ITPRID2: variants seen among roughly 807,000 people sequenced by gnomAD.
The protein encoded by ITPRID2 is ITPR interacting domain containing 2.
ITPRID2 carries 60 observed loss-of-function variants against 124.3 expected under a neutral mutation model. That is an observed-to-expected ratio of 0.48 (90% CI 0.39 to 0.60). The LOEUF (loss-of-function observed/expected upper bound fraction) is 0.60. Ranked by LOEUF, ITPRID2 falls within the 20% of genes least tolerant of loss-of-function variation. The pLI is 0.00. For synonymous variants in ITPRID2, 521 were observed against 542.9 expected, an observed-to-expected ratio of 0.96 and a Z score of 0.56; for missense variants, 1,553 against 1,512.2, an observed-to-expected ratio of 1.03 and a Z score of -0.45.
At chr2:181,927,306 C>T (rs898968498) in intron 16 of ITPRID2, among the ~76,000 whole-genome samples, 2 of 152,162 alleles carry the variant, frequency 1.3e-5, no homozygotes, top group African/African-American at 4.8e-5. Context: ...TTTGGGAACA[C>T]ATTATCACTT....
At chr2:181,894,726 TGG>T (rs1475594564) in intron 2 of ITPRID2, 2 of 152,128 alleles carry the variant, frequency 1.3e-5, no homozygotes, top group Non-Finnish European at 2.9e-5. Context: ...TAACCATTTG[TGG>T]GGGGACTAAG....
chr2:181,913,807 A>G (rs775428941), intron 9 of ITPRID2, 38 bp from the exon 10 acceptor site: 1 of 1,468,814 alleles, frequency 6.8e-7, no homozygotes, highest in South Asian at 1.2e-5. Flanking sequence ...TTATTTATAG[A>G]TCATCTGTTT....
chr2:181,918,355 T>C, intron 11 of ITPRID2: 2 of 1,253,460 alleles, frequency 1.6e-6, no homozygotes, highest in Non-Finnish European at 2.0e-6. Flanking sequence ...AAGAAATAGA[T>C]GTGAACTATG....
rs766167639 is a variant in ITPRID2, at chr2:181,902,460, G to A, written c.1407G>A (p.Met469Ile). 3 of 1,525,880 alleles carry A rather than the reference G, an allele frequency of 2.0e-6. No individual in the cohort carries two copies. In the East Asian group the frequency reaches 7.0e-5, roughly 36 times the overall value. 94.5% of individuals were successfully genotyped at this position (1,525,880 alleles called of 1,614,324 possible). ...IMTQQKDSFE[M>I]EEVQSTEGEA... ...CACAGCAGAAGGACTCCTTCGAAAT[G>A]GAAGAGGTAGGTAAAAAATTACTGA... Residue 469 changes from methionine to isoleucine, a missense_variant, in exon 8 of 18, where the codon ATG (methionine) becomes ATA (isoleucine). By Grantham distance (10) the Met-to-Ile change is conservative (BLOSUM62 1). Coordinates refer to ENST00000431877, the MANE Select transcript of ITPRID2 (RefSeq NM_001130445.3). This position sits in a 1 kb window ranked among gnomAD's most constrained non-coding sequence, Gnocchi z 4.4.
At chr2:181,927,909 C>T (rs1694981742) in intron 16 of ITPRID2, among the ~76,000 whole-genome samples, 1 of 152,108 alleles carries the variant, frequency 6.6e-6, no homozygotes, top group Non-Finnish European at 1.5e-5. Context: ...ATAACATTTT[C>T]TAATGTCCTC....
chr2:181,909,780 A>G lies in ITPRID2; in HGVS notation c.1414-119A>G, dbSNP rs1019202418. The G allele has an allele frequency of 6.8e-6, 4 of 585,950 alleles. No individual in the cohort carries two copies. The African/African-American group carries it at 7.6e-5, about 11-fold the overall frequency. 36.3% of individuals were successfully genotyped at this position (585,950 alleles called of 1,614,324 possible). On this transcript the variant is annotated intron_variant, in intron 8 of 17. Transcript: ENST00000431877. ...GTCAGATTTCTTAAAGTTTGAATATATATATAATGTTTTGGTGCACTTGAG... is the reference window on the plus strand; with the variant it reads ...GTCAGATTTCTTAAAGTTTGAATATGTATATAATGTTTTGGTGCACTTGAG...
In ITPRID2 at chr2:181,915,461, T is replaced by G; in HGVS notation, c.1821T>G (p.Thr607=). ...PQCNTIENTG[T]KQSTCSPGDH... ...GCAACACCATTGAGAATACAGGAAC[T>G]AAACAGTCCACCTGTAGTCCAGGGG... The change falls in exon 11 of 18, where the codon ACT becomes ACG. Residue 607 remains threonine, a synonymous_variant. Coordinates refer to ENST00000431877, the MANE Select transcript of ITPRID2 (RefSeq NM_001130445.3). 2 of 1,614,188 alleles carry G rather than the reference T, an allele frequency of 1.2e-6. No homozygotes were observed. The highest frequency in any genetic ancestry group is 1.7e-6 in the Non-Finnish European group (2 of 1,180,028).
In ITPRID2 at chr2:181,915,482, A is replaced by AG; in HGVS notation, c.1846dup (p.Asp616GlyfsTer5). On this transcript the variant is annotated frameshift_variant, in exon 11 of 18. Coordinates refer to ENST00000431877, the MANE Select transcript of ITPRID2 (RefSeq NM_001130445.3). LOFTEE classifies it high-confidence loss of function. The stretch of plus-strand genomic sequence containing the variant: ...GAACTAAACAGTCCACCTGTAGTCC[A>AG]GGGGATCATATCATTGAAATTACTG... 1 of 1,614,216 alleles carries AG rather than the reference A, an allele frequency of 6.2e-7. No individual in the cohort carries two copies. The highest frequency in any genetic ancestry group is 1.1e-5 in the South Asian group (1 of 91,086).
Position 181,919,559 on chromosome 2 carries a change from C to T in ITPRID2, c.3144+113C>T. On this transcript the variant is annotated intron_variant, in intron 14 of 17. Coordinates refer to ENST00000431877, the MANE Select transcript of ITPRID2 (RefSeq NM_001130445.3). The surrounding 1 kb of genome is among the most constrained non-coding windows in gnomAD (Gnocchi z 4.2). ...TCATTTATTTTAATGGTATTAAAAG[C>T]ATGCATACTGTTTAAGGAGCTTTCC... The T allele has an allele frequency of 1.7e-6, 2 of 1,154,944 alleles. No individual in the cohort carries two copies. The highest frequency in any genetic ancestry group is 1.9e-5 in the South Asian group (1 of 53,766). The allele number at this position is 1,154,944 out of a possible 1,614,324, so 71.5% of individuals were successfully genotyped here. A position where few individuals can be genotyped will look rare whatever the true frequency, so the allele number is the denominator to read the frequency against.
intron 15 of ITPRID2, 76 bp from the exon 16 acceptor site, chr2:181,921,872 C>A (rs2125109137): frequency 7.7e-7 from 1 of 1,296,850 alleles, no homozygotes; most frequent in Non-Finnish European, 1.1e-6. Flanking sequence ...GCAATAATGA[C>A]AACCAGGACT....
chr2:181,892,608 C>T lies in ITPRID2; in HGVS notation c.212-7C>T. 2 of 1,613,988 alleles carry T rather than the reference C, an allele frequency of 1.2e-6. No homozygotes were observed. The highest frequency in any genetic ancestry group is 4.5e-5 in the East Asian group (2 of 44,862). Reference sequence around the variant, plus strand: ...GGTAACGTGCTGTCCCCTCTCTCTACCCCCAGGAAACGTGCCCAACGAGAA... The same window carrying T: ...GGTAACGTGCTGTCCCCTCTCTCTATCCCCAGGAAACGTGCCCAACGAGAA... On this transcript the variant is annotated splice_polypyrimidine_tract_variant and splice_region_variant and intron_variant, in intron 1 of 17. Coordinates refer to ENST00000431877, the MANE Select transcript of ITPRID2 (RefSeq NM_001130445.3). The surrounding 1 kb of genome is among the most constrained non-coding windows in gnomAD (Gnocchi z 5.2).
chr2:181,894,193 A>G (rs1488521011), intron 2 of ITPRID2: 1 of 152,248 alleles, frequency 6.6e-6, no homozygotes, highest in African/African-American at 2.4e-5. Flanking sequence ...TTAATGACAT[A>G]TAGGATTTAA....
chr2:181,892,343 G>C lies in ITPRID2; in HGVS notation c.211+66G>C. On this transcript the variant is annotated intron_variant, in intron 1 of 17. Transcript: ENST00000431877. This position sits in a 1 kb window ranked among gnomAD's most constrained non-coding sequence, Gnocchi z 5.2. ...CTGGGGAGAGTCTCGTGCGCCCTGG[G>C]CGCCTGCCACGAGTTCTGGGAGAGC... 6.8e-7 allele frequency: 1 copy of C among 1,468,046 alleles called. No individual in the cohort carries two copies. The allele number at this position is 1,468,046 out of a possible 1,614,324, so 90.9% of individuals were successfully genotyped here.
At chr2:181,893,077 A>G (rs1453910534) in intron 2 of ITPRID2, 2 of 197,540 alleles carry the variant, frequency 1.0e-5, no homozygotes, top group Non-Finnish European at 1.1e-5. Context: ...TAATTTACCT[A>G]ACTACACTAA....
chr2:181,926,729 A>AG lies in ITPRID2; in HGVS notation c.3676-1432_3676-1431insG, dbSNP rs1262311486. 3.9e-5 allele frequency among the ~76,000 whole-genome samples: 6 copies of AG among 152,004 alleles called. No individual in the cohort carries two copies. In the East Asian group the frequency reaches 7.7e-4, roughly 20 times the overall value. On this transcript the variant is annotated intron_variant, in intron 16 of 17. Transcript: ENST00000431877. ...ATCCATCTCAAAAAAAAAAAAAAAA[A>AG]AGAGAATACATTTTGGCTAGTTTGT...
In ITPRID2 at chr2:181,892,237, G is replaced by A. The variant is rs1223309619; in HGVS notation, c.171G>A (p.Glu57=). ...TTQDEEEDEE[E]DLPGAQLPAA... ...AGGACGAGGAGGAGGACGAGGAGGAGGACCTCCCCGGCGCGCAGCTGCCGG... is the reference window on the plus strand; with the variant it reads ...AGGACGAGGAGGAGGACGAGGAGGAAGACCTCCCCGGCGCGCAGCTGCCGG... Residue 57 remains glutamate (E), a synonymous_variant, in exon 1 of 18, where the codon GAG becomes GAA. Transcript: ENST00000431877. This position sits in a 1 kb window ranked among gnomAD's most constrained non-coding sequence, Gnocchi z 5.2. 6.5e-7 allele frequency: 1 copy of A among 1,550,166 alleles called. No homozygotes were observed. Among genetic ancestry groups the A allele is most frequent in the Admixed American group, 2.0e-5 (1 of 51,006 alleles).
chr2:181,907,446 G>T lies in ITPRID2; in HGVS notation c.1414-2453G>T, dbSNP rs959258768. Among the ~76,000 whole-genome samples, 1 of 144,620 alleles carries T rather than the reference G, an allele frequency of 6.9e-6. No homozygotes were observed. The highest frequency in any genetic ancestry group is 1.5e-5 in the Non-Finnish European group (1 of 65,804). 94.9% of individuals were successfully genotyped at this position (144,620 alleles called of 152,430 possible). A position where few individuals can be genotyped will look rare whatever the true frequency, so the allele number is the denominator to read the frequency against. On this transcript the variant is annotated intron_variant, in intron 8 of 17. Coordinates refer to ENST00000431877, the MANE Select transcript of ITPRID2 (RefSeq NM_001130445.3). The surrounding 1 kb of genome is among the most constrained non-coding windows in gnomAD (Gnocchi z 5.1). ...GCAATTTTATCACTTTGGTTTAGTG[G>T]TTTTTTTTTTTTTTTATATTATGAA...
chr2:181,892,010 G>A lies in ITPRID2; in HGVS notation c.-57G>A, dbSNP rs1013827406. On this transcript the variant is annotated 5_prime_UTR_variant, in exon 1 of 18. Coordinates refer to ENST00000431877, the MANE Select transcript of ITPRID2 (RefSeq NM_001130445.3). This position sits in a 1 kb window ranked among gnomAD's most constrained non-coding sequence, Gnocchi z 5.2. ...GCTGACAGCAAGGGCGGGGGTCCCT[G>A]CCGCCGCCTTGTCTCGCGCAGGGTC... The A allele has an allele frequency of 5.3e-6, 8 of 1,516,736 alleles. No individual in the cohort carries two copies. Among genetic ancestry groups the A allele is most frequent in the Non-Finnish European group, 7.1e-6 (8 of 1,127,368 alleles). The allele number at this position is 1,516,736 out of a possible 1,614,324, so 94.0% of individuals were successfully genotyped here. A position where few individuals can be genotyped will look rare whatever the true frequency, so the allele number is the denominator to read the frequency against.
At chr2:181,918,425 G>A in intron 11 of ITPRID2, 173 bp from the exon 12 acceptor site, 1 of 1,439,338 alleles carries the variant, frequency 6.9e-7, no homozygotes, top group Admixed American at 3.0e-5. Flanking sequence ...AGCAGTACTA[G>A]GTGTCATTGG....
Sources: gnomAD v4.1 joint callset for allele counts (sites outside exome capture counted in the v4.1 genomes callset) on GRCh38, gnomAD v4.1.1 for gene constraint, Gnocchi (gnomAD v3.1) non-coding constraint, MANE v1.5 for transcripts, NCBI Gene and HGNC (gene_info 2026-07-23, HGNC 2026-07-21) for gene names.